Variants in TRMT9B observed in about 807,000 individuals in gnomAD.
The protein encoded by TRMT9B is tRNA methyltransferase 9B (putative).
In TRMT9B, 16 loss-of-function variants were observed where a neutral mutation model predicts 11.5. That is an observed-to-expected ratio of 1.39 (90% CI 0.94 to 2.11). The LOEUF (loss-of-function observed/expected upper bound fraction) is 2.11. Among genes scored for constraint, TRMT9B ranks in the 30% most tolerant of loss-of-function variants. The probability of loss-of-function intolerance (pLI) is 0.00; values close to 1 mark genes in which losing one functional copy is unlikely to be tolerated. For synonymous variants in TRMT9B, 274 were observed against 192.4 expected (o/e 1.42, Z -3.51); for missense variants, 941 against 553.8 (o/e 1.70, Z -7.02).
chr8:12,965,628 T>G (rs935838453), intron 1 of TRMT9B, among the ~76,000 whole-genome samples: 1 of 151,552 alleles, frequency 6.6e-6, no homozygotes, highest in Non-Finnish European at 1.5e-5. Flanking sequence ...TTTTTTTTTT[T>G]AAGCCCAAGG....
rs565420132 is a variant in TRMT9B, at chr8:12,957,794, A to G, written c.-200+11828A>G. 8.5e-5 allele frequency among the ~76,000 whole-genome samples: 13 copies of G among 152,348 alleles called. 1 individual carries two copies. The South Asian group carries it at 1.2e-3, about 15-fold the overall frequency. ...ATATGCATAGAATTTTGTATTTTGC[A>G]TAGAATGAAGTGTACTATTTTAACT... On this transcript the variant is annotated intron_variant, in intron 1 of 4. Coordinates refer to ENST00000524591, the MANE Select transcript of TRMT9B (RefSeq NM_020844.3).
intron 2 of TRMT9B, among the ~76,000 whole-genome samples, chr8:13,002,619 T>G (rs1406853233): frequency 2.0e-5 from 3 of 152,192 alleles, no homozygotes; most frequent in Admixed American, 2.0e-4. Flanking sequence ...TATTACGTTT[T>G]AAGAGTAAAT....
rs1814883671 is a variant in TRMT9B at position 13,027,892 on chromosome 8, T to A, written c.*5848T>A. The A allele has an allele frequency of 6.0e-6, 1 of 167,124 alleles. No individual in the cohort carries two copies. The highest frequency in any genetic ancestry group is 1.5e-5 in the Non-Finnish European group (1 of 68,126). 10.4% of individuals were successfully genotyped at this position (167,124 alleles called of 1,614,324 possible). A position where few individuals can be genotyped will look rare whatever the true frequency, so the allele number is the denominator to read the frequency against. ...AACTCAAAATTATGATTATTTTGATTATTTAATGATTGTTTTGATAGTATA... is the reference window on the plus strand; with the variant it reads ...AACTCAAAATTATGATTATTTTGATAATTTAATGATTGTTTTGATAGTATA... On this transcript the variant is annotated 3_prime_UTR_variant, in exon 5 of 5. Transcript: ENST00000524591.
intron 4 of TRMT9B, among the ~76,000 whole-genome samples, chr8:13,018,098 T>A (rs1355481574): frequency 7.4e-6 from 1 of 134,880 alleles, no homozygotes; most frequent in African/African-American, 2.8e-5. Context: ...AGGACTTTCT[T>A]AAAAAAAAAA....
intron 1 of TRMT9B, among the ~76,000 whole-genome samples, chr8:12,959,494 CCTCT>C: frequency 7.2e-6 from 1 of 139,766 alleles, no homozygotes; most frequent in Non-Finnish European, 1.6e-5. Context: ...CCTCTCCTCT[CCTCT>C]CCTTTCCTTT....
At chr8:12,980,159 A>G (rs1250133233) in intron 1 of TRMT9B, among the ~76,000 whole-genome samples, 1 of 152,136 alleles carries the variant, frequency 6.6e-6, no homozygotes, top group East Asian at 1.9e-4. Flanking sequence ...AGGAGGCCAG[A>G]CGTCCTAAAT....
At chr8:12,978,518 TGATAGATAGATAGATAGATA>T (rs1554517224) in intron 1 of TRMT9B, among the ~76,000 whole-genome samples, 1 of 41,808 alleles carries the variant, frequency 2.4e-5, no homozygotes, top group Admixed American at 2.9e-4. Context: ...GATAGATAGA[TGATAGATAGATAGATAGATA>T]GATAGATAGA....
chr8:12,961,496 T>C (rs993404593), intron 1 of TRMT9B, among the ~76,000 whole-genome samples: 20 of 151,726 alleles, frequency 1.3e-4, no homozygotes, highest in Admixed American at 3.3e-4. Context: ...GGTCAGGAGA[T>C]GGAGACCATC....
chr8:12,967,760 A>G (rs956431311), intron 1 of TRMT9B, among the ~76,000 whole-genome samples: 7 of 152,250 alleles, frequency 4.6e-5, no homozygotes, highest in Admixed American at 6.5e-5. Flanking sequence ...GATGGTCAGT[A>G]TGAAAGTGAT....
chr8:13,008,275 G>A (rs541275211), intron 3 of TRMT9B, among the ~76,000 whole-genome samples: 17 of 152,294 alleles, frequency 1.1e-4, no homozygotes, highest in African/African-American at 4.1e-4. Flanking sequence ...GCCTTCTTAT[G>A]TTCAGGAACA....
Position 13,012,671 on chromosome 8 carries a change from T to A in TRMT9B, c.155-13T>A, listed in dbSNP as rs1228843507. The A allele has an allele frequency of 2.7e-5, 44 of 1,601,332 alleles. No homozygotes were observed. Among genetic ancestry groups the A allele is most frequent in the Non-Finnish European group, 3.8e-5 (44 of 1,172,502 alleles). ...ATTGAGGATAGCATGTAACGCAGGT[T>A]TTTCTCTTATAGGTTGTGGGACTGG... On this transcript the variant is annotated splice_polypyrimidine_tract_variant and intron_variant, in intron 3 of 4. Coordinates refer to ENST00000524591, the MANE Select transcript of TRMT9B (RefSeq NM_020844.3).
chr8:12,994,347 AC>A (rs1359341434), intron 2 of TRMT9B, among the ~76,000 whole-genome samples: 2 of 152,080 alleles, frequency 1.3e-5, no homozygotes, highest in African/African-American at 4.8e-5. Context: ...AAAAAATAAA[AC>A]TTTTTTATTT....
At position 13,027,059 on chromosome 8, in the gene TRMT9B, C is replaced by A. The variant is rs1814772080; in HGVS notation, c.*5015C>A. The A allele has an allele frequency of 6.0e-6, 1 of 167,060 alleles. No individual in the cohort carries two copies. The highest frequency in any genetic ancestry group is 2.4e-5 in the African/African-American group (1 of 41,442). The allele number at this position is 167,060 out of a possible 1,614,324, so 10.3% of individuals were successfully genotyped here. On this transcript the variant is annotated 3_prime_UTR_variant, in exon 5 of 5. Coordinates refer to ENST00000524591, the MANE Select transcript of TRMT9B (RefSeq NM_020844.3). ...TTTCTCCAACTCTTCAACCTTTCAA[C>A]AATTATATTATTGTTTTCCCATTTT... is the stretch of plus-strand genomic sequence containing the variant.
chr8:12,977,243 C>G (rs1804597212), intron 1 of TRMT9B, among the ~76,000 whole-genome samples: 1 of 152,168 alleles, frequency 6.6e-6, no homozygotes, highest in Non-Finnish European at 1.5e-5. Flanking sequence ...ATTACTAATG[C>G]TGGTCGATGG....
intron 1 of TRMT9B, among the ~76,000 whole-genome samples, chr8:12,947,935 A>G (rs963823732): frequency 1.3e-5 from 2 of 152,352 alleles, no homozygotes; most frequent in East Asian, 1.9e-4. Flanking sequence ...CAGGCATTCA[A>G]GGAATCATGG....
intron 4 of TRMT9B, among the ~76,000 whole-genome samples, chr8:13,018,820 C>A (rs481115): frequency 0.066 from 10,004 of 152,224 alleles, 404 homozygotes; most frequent in African/African-American, 0.11. Context: ...TAAGGTGCAT[C>A]ACAGTCTTCC....
At chr8:12,972,791 A>G (rs1415061198) in intron 1 of TRMT9B, among the ~76,000 whole-genome samples, 2 of 152,224 alleles carry the variant, frequency 1.3e-5, no homozygotes, top group African/African-American at 4.8e-5. Context: ...CAGGACTTGC[A>G]GAAGAAATGA....
intron 1 of TRMT9B, among the ~76,000 whole-genome samples, chr8:12,977,812 C>T (rs188125515): frequency 1.1e-3 from 162 of 151,336 alleles, no homozygotes; most frequent in African/African-American, 3.6e-3. Flanking sequence ...GCCAGGAGTT[C>T]GAGACCAGCC....
intron 3 of TRMT9B, chr8:13,011,642 A>G (rs1290102367): frequency 3.1e-6 from 3 of 977,000 alleles, no homozygotes; most frequent in East Asian, 1.1e-4. Flanking sequence ...ACCTACCTCA[A>G]TCATAACATC....
Sources: allele counts gnomAD v4.1 joint callset (sites outside exome capture counted in the v4.1 genomes callset), GRCh38; gene constraint gnomAD v4.1.1; transcripts MANE v1.5; gene names NCBI Gene and HGNC (gene_info 2026-07-23, HGNC 2026-07-21).